The following DAB1 variants were observed in gnomAD, a reference collection of about 807,000 sequenced individuals.
DAB1 encodes DAB adaptor protein 1.
A neutral mutation model predicts 64.6 loss-of-function variants in DAB1; 15 were observed. The observed-to-expected ratio is 0.23, with a 90% confidence interval of 0.16 to 0.36. The LOEUF is 0.36. Among genes scored for constraint, DAB1 ranks in the 10% least tolerant of loss-of-function variants. The probability of loss-of-function intolerance (pLI) is 1.00; values close to 1 mark genes in which losing one functional copy is unlikely to be tolerated. For missense variants in DAB1, 596 were observed against 706.7 expected, an observed-to-expected ratio of 0.84 and a Z score of 1.78; for synonymous variants, 235 against 251.9, an observed-to-expected ratio of 0.93 and a Z score of 0.64.
rs116282908 is a variant in DAB1 at position 57,083,739 on chromosome 1, T to A, written c.307-11325A>T. 2.4e-3 allele frequency among the ~76,000 whole-genome samples: 359 copies of A among 152,202 alleles called. 5 individuals carry two copies. The highest frequency in any genetic ancestry group is 8.4e-3 in the African/African-American group (350 of 41,524). On this transcript the variant is annotated intron_variant, in intron 4 of 14. Transcript: ENST00000371236. ...AGTTCCGGTGTCTTCATTTGTAAAATGAGGTGGATAGCAGGTGGTGGTCGT... is the reference window on the plus strand; with the variant it reads ...AGTTCCGGTGTCTTCATTTGTAAAAAGAGGTGGATAGCAGGTGGTGGTCGT...
chr1:57,741,636 T>G (rs1056720588), intron 6 of DAB1, among the ~76,000 whole-genome samples: 1 of 152,258 alleles, frequency 6.6e-6, no homozygotes, highest in African/African-American at 2.4e-5. Context: ...AGCAGACTGC[T>G]TCTGGGACTT....
intron 4 of DAB1, among the ~76,000 whole-genome samples, chr1:58,251,942 C>T (rs1485242672): frequency 2.0e-5 from 3 of 152,166 alleles, no homozygotes; most frequent in African/African-American, 7.2e-5. Flanking sequence ...ACAGCAACTT[C>T]CCCTCTGCCT....
At chr1:58,212,109 T>A (rs868705659) in intron 4 of DAB1, among the ~76,000 whole-genome samples, 2 of 152,174 alleles carry the variant, frequency 1.3e-5, no homozygotes, top group Non-Finnish European at 2.9e-5. Context: ...TCCATTGGTG[T>A]TTAATGACCC....
intron 2 of DAB1, among the ~76,000 whole-genome samples, chr1:57,235,811 T>A (rs1029611569): frequency 6.6e-6 from 1 of 152,142 alleles, no homozygotes; most frequent in Non-Finnish European, 1.5e-5. Context: ...CTCCTTAACA[T>A]TAAACTTGAA....
chr1:57,266,346 G>T (rs1398649711), intron 2 of DAB1, among the ~76,000 whole-genome samples: 1 of 152,106 alleles, frequency 6.6e-6, no homozygotes, highest in East Asian at 1.9e-4. Context: ...TGAACCCTGA[G>T]CTCCAGCATC....
At chr1:57,236,371 G>A (rs1053300025) in intron 2 of DAB1, among the ~76,000 whole-genome samples, 3 of 152,238 alleles carry the variant, frequency 2.0e-5, no homozygotes, top group Middle Eastern at 3.4e-3. Context: ...CACTTCGGCC[G>A]GACCTGAAAA....
intron 7 of DAB1, among the ~76,000 whole-genome samples, chr1:57,603,851 C>T (rs1572945): frequency 0.91 from 137,967 of 152,252 alleles, 63,417 homozygotes; most frequent in East Asian, 1. Flanking sequence ...TTAGTAAATG[C>T]TATTCGCCTC....
At chr1:57,794,867 C>A (rs1650767184) in intron 6 of DAB1, among the ~76,000 whole-genome samples, 1 of 152,176 alleles carries the variant, frequency 6.6e-6, no homozygotes, top group Non-Finnish European at 1.5e-5. Flanking sequence ...TGACCCATGG[C>A]TATAGATATC....
intron 6 of DAB1, among the ~76,000 whole-genome samples, chr1:57,769,340 A>C (rs532013740): frequency 1.8e-4 from 28 of 152,244 alleles, no homozygotes; most frequent in Admixed American, 4.6e-4. Context: ...ATACTGAATA[A>C]TTCTGACCTT....
chr1:57,155,493 T>G (rs7556553), intron 2 of DAB1, among the ~76,000 whole-genome samples: 9,985 of 152,042 alleles, frequency 0.066, 1,105 homozygotes, highest in African/African-American at 0.23. Context: ...TTTTGTTTTT[T>G]TTTCTGCTTA....
intron 5 of DAB1, among the ~76,000 whole-genome samples, chr1:57,995,571 T>C (rs1441150489): frequency 1.3e-5 from 2 of 152,214 alleles, no homozygotes; most frequent in Admixed American, 6.5e-5. Context: ...ATTGCTGTCA[T>C]TAATCCTCAA....
intron 2 of DAB1, among the ~76,000 whole-genome samples, chr1:57,185,371 A>G (rs1034724236): frequency 2.6e-5 from 4 of 152,180 alleles, no homozygotes; most frequent in African/African-American, 9.6e-5. Context: ...GGAGGACAGA[A>G]TTTGCAGATT....
At chr1:57,059,803 A>C (rs11809926) in intron 9 of DAB1, among the ~76,000 whole-genome samples, 1,684 of 152,286 alleles carry the variant, frequency 0.011, 25 homozygotes, top group African/African-American at 0.038. Context: ...TCTCATAGGT[A>C]GGAAGAGGAG....
intron 6 of DAB1, among the ~76,000 whole-genome samples, chr1:57,650,292 G>C (rs1190762285): frequency 1.4e-5 from 2 of 147,652 alleles, no homozygotes; most frequent in African/African-American, 4.9e-5. Flanking sequence ...CTACAGGTGT[G>C]CCACCACGCC....
intron 5 of DAB1, among the ~76,000 whole-genome samples, chr1:58,128,022 G>A (rs1653252113): frequency 6.6e-6 from 1 of 151,630 alleles, no homozygotes; most frequent in Non-Finnish European, 1.5e-5. Context: ...TGATGGGGAT[G>A]GCATTGAATC....
At chr1:58,264,406 T>C (rs558990434) in intron 4 of DAB1, among the ~76,000 whole-genome samples, 1 of 152,346 alleles carries the variant, frequency 6.6e-6, no homozygotes, top group South Asian at 2.1e-4. Flanking sequence ...TAAATAGATA[T>C]AGCCATCTTT....
chr1:57,337,570 C>A (rs1677181798), intron 1 of DAB1, among the ~76,000 whole-genome samples: 1 of 151,842 alleles, frequency 6.6e-6, no homozygotes, highest in Admixed American at 6.6e-5. Flanking sequence ...TGTTTTTTTT[C>A]CTGAACACTT....
intron 3 of DAB1, among the ~76,000 whole-genome samples, chr1:58,382,629 A>C (rs1156713088): frequency 6.6e-6 from 1 of 152,202 alleles, no homozygotes; most frequent in Non-Finnish European, 1.5e-5. Flanking sequence ...TGGTCAACTA[A>C]AAATGGGAAA....
chr1:57,849,007 A>T (rs1373492194), intron 1 of DAB1, among the ~76,000 whole-genome samples: 1 of 152,216 alleles, frequency 6.6e-6, no homozygotes, highest in Admixed American at 6.5e-5. Flanking sequence ...TTTCAAGGGA[A>T]TTTTTAAAAC....
Sources: allele counts gnomAD v4.1 joint callset (sites outside exome capture counted in the v4.1 genomes callset), GRCh38; gene constraint gnomAD v4.1.1; transcripts MANE v1.5; gene names NCBI Gene and HGNC (gene_info 2026-07-23, HGNC 2026-07-21).